PRMT8: variants seen among roughly 807,000 people sequenced by gnomAD.
PRMT8 encodes the protein protein arginine methyltransferase 8.
PRMT8 carries 7 observed loss-of-function variants against 47.1 expected under a neutral mutation model. The observed-to-expected ratio is 0.15, with a 90% CI of 0.08 to 0.28. PRMT8 has a LOEUF of 0.28. Among genes scored for constraint, PRMT8 ranks in the 10% least tolerant of loss-of-function variants. The probability of loss-of-function intolerance (pLI) is 1.00; values close to 1 mark genes in which losing one functional copy is unlikely to be tolerated. For missense variants in PRMT8, 237 were observed against 505.4 expected, an observed-to-expected ratio of 0.47 and a Z score of 5.09; for synonymous variants, 188 against 186.5, an observed-to-expected ratio of 1.01 and a Z score of -0.07.
intron 1 of PRMT8, among the ~76,000 whole-genome samples, chr12:3,442,144 A>T (rs1864809889): frequency 6.6e-6 from 1 of 152,234 alleles, no homozygotes; most frequent in African/African-American, 2.4e-5. Context: ...ACTCAGCATC[A>T]AGCTAAAAAA....
At chr12:3,582,284 T>A (rs905490018) in intron 7 of PRMT8, among the ~76,000 whole-genome samples, 5 of 152,374 alleles carry the variant, frequency 3.3e-5, no homozygotes, top group Non-Finnish European at 7.4e-5. Flanking sequence ...AGATTGATTT[T>A]CAGCCACTTT....
Position 3,535,116 on chromosome 12 carries a change from A to G in PRMT8, c.76-5490A>G, listed in dbSNP as rs777394911. On this transcript the variant is annotated intron_variant, in intron 1 of 9. Transcript: ENST00000382622. The surrounding 1 kb of genome is among the most constrained non-coding windows in gnomAD (Gnocchi z 4.7). ...GGGTTAGGTCAAACATGCTCCCCCA[A>G]ATCCCCACCCCTGCTTGTGGAAATC... is the stretch of plus-strand genomic sequence containing the variant. Among the ~76,000 whole-genome samples the G allele has an allele frequency of 6.6e-6, 1 of 152,104 alleles. No individual in the cohort carries two copies. The highest frequency in any genetic ancestry group is 2.4e-5 in the African/African-American group (1 of 41,420).
At chr12:3,477,344 C>T (rs1865223997) in intron 1 of PRMT8, among the ~76,000 whole-genome samples, 1 of 152,204 alleles carries the variant, frequency 6.6e-6, no homozygotes, top group Admixed American at 6.5e-5. Context: ...GGAAATGAAA[C>T]AGAAGGCATG....
intron 1 of PRMT8, among the ~76,000 whole-genome samples, chr12:3,507,740 ATTCT>A (rs1431081290): frequency 2.0e-5 from 3 of 151,226 alleles, no homozygotes; most frequent in African/African-American, 7.3e-5. Context: ...TTTTGTTAGA[ATTCT>A]TTTTCTTCTC....
rs75734862 is a variant in PRMT8, at chr12:3,523,880, G to T, written c.76-16726G>T. On this transcript the variant is annotated intron_variant, in intron 1 of 9. Coordinates refer to ENST00000382622, the MANE Select transcript of PRMT8 (RefSeq NM_019854.5). The stretch of plus-strand genomic sequence containing the variant: ...TAAACCACTCCTTCTGCCTCTCTAT[G>T]CAGGGGCAAAGTTCAATAAGCCTAT... 7.2e-4 allele frequency among the ~76,000 whole-genome samples: 110 copies of T among 152,342 alleles called. 3 individuals carry two copies. The East Asian group carries it at 0.017, about 23-fold the overall frequency.
intron 2 of PRMT8, 148 bp downstream of exon 2, chr12:3,540,939 G>T: frequency 1.0e-6 from 1 of 992,746 alleles, no homozygotes; most frequent in South Asian, 1.7e-5. Flanking sequence ...TCTCCAATCC[G>T]GGGGGCCCCT....
At chr12:3,462,370 G>A (rs2137089018) in intron 1 of PRMT8, among the ~76,000 whole-genome samples, 1 of 152,102 alleles carries the variant, frequency 6.6e-6, no homozygotes, top group South Asian at 2.1e-4. Flanking sequence ...GGCAAAAGAA[G>A]GGGGCAGAGT....
chr12:3,512,806 C>T (rs530763441), intron 1 of PRMT8, among the ~76,000 whole-genome samples: 114 of 152,320 alleles, frequency 7.5e-4, no homozygotes, highest in South Asian at 2.5e-3. Flanking sequence ...AGTAAATGAA[C>T]TATGGGTAGA....
chr12:3,513,647 T>C (rs1170648514), intron 1 of PRMT8, among the ~76,000 whole-genome samples: 1 of 152,204 alleles, frequency 6.6e-6, no homozygotes, highest in Non-Finnish European at 1.5e-5. Flanking sequence ...GTGAGTTCCC[T>C]GCCGAATTTT....
chr12:3,487,890 G>C (rs575642247), upstream of PRMT8, among the ~76,000 whole-genome samples: 1 of 152,162 alleles, frequency 6.6e-6, no homozygotes, highest in Non-Finnish European at 1.5e-5. Flanking sequence ...TAGAATTAGA[G>C]GCTTAAAGAA....
At chr12:3,477,369 G>T (rs1280229396) in intron 1 of PRMT8, among the ~76,000 whole-genome samples, 1 of 152,228 alleles carries the variant, frequency 6.6e-6, no homozygotes, top group South Asian at 2.1e-4. Flanking sequence ...GTCCTTTGGA[G>T]CTTACAGTGA....
At position 3,436,527 on chromosome 12, in the gene PRMT8, T is replaced by C. The variant is rs1864742543; in HGVS notation, c.48+55085T>C. Among the ~76,000 whole-genome samples, 1 of 152,100 alleles carries C rather than the reference T, an allele frequency of 6.6e-6. No individual in the cohort carries two copies. The highest frequency in any genetic ancestry group is 2.1e-4 in the South Asian group (1 of 4,820). On this transcript the variant is annotated intron_variant, in intron 1 of 9. Transcript: ENST00000452611. This position sits in a 1 kb window ranked among gnomAD's most constrained non-coding sequence, Gnocchi z 4.2. The stretch of plus-strand genomic sequence containing the variant: ...GCTGCTATTGTCAGCGTGCAGAAGA[T>C]CTCTATTAATAGAGTAAAGATTTCA...
chr12:3,592,273 A>G lies in PRMT8; in HGVS notation c.1022A>G (p.Tyr341Cys). The change falls in exon 9 of 10, where the codon TAC becomes TGC. Residue 341 changes from tyrosine to cysteine, a missense_variant. Physicochemically the swap from Tyr to Cys is radical, Grantham distance 194 (BLOSUM62 -2). This residue lies in a region of PRMT8 where 151 missense variants were observed against 341.1 expected (regional missense o/e 0.44). Transcript: ENST00000382622. ...PYTHWKQTVF[Y>C]LEDYLTVRRG... ...ACCCACTGGAAGCAGACCGTCTTCT[A>G]CTTGGAAGATTACCTCACTGTCCGG... The G allele has an allele frequency of 6.3e-7, 1 of 1,596,222 alleles. No individual in the cohort carries two copies.
At chr12:3,401,315 G>T (rs1330744081) in intron 1 of PRMT8, among the ~76,000 whole-genome samples, 1 of 151,854 alleles carries the variant, frequency 6.6e-6, no homozygotes. Flanking sequence ...AGGTATTGAG[G>T]AATATACCTC....
chr12:3,547,614 C>T (rs1485942298), intron 2 of PRMT8, among the ~76,000 whole-genome samples: 1 of 152,082 alleles, frequency 6.6e-6, no homozygotes, highest in Non-Finnish European at 1.5e-5. Context: ...ACCATCTCTA[C>T]CCCCAAAATA....
At chr12:3,513,343 T>G (rs1282151373) in intron 1 of PRMT8, among the ~76,000 whole-genome samples, 5 of 152,162 alleles carry the variant, frequency 3.3e-5, no homozygotes, top group Non-Finnish European at 7.3e-5. Flanking sequence ...CTAAACTAAA[T>G]ATACGATGTA....
At chr12:3,523,945 T>C (rs189639113) in intron 1 of PRMT8, among the ~76,000 whole-genome samples, 31 of 152,350 alleles carry the variant, frequency 2.0e-4, no homozygotes, top group African/African-American at 7.5e-4. Flanking sequence ...TAAACGTTAC[T>C]GATGAGTCAA....
intron 1 of PRMT8, among the ~76,000 whole-genome samples, chr12:3,388,686 A>G (rs1864163723): frequency 6.6e-6 from 1 of 152,138 alleles, no homozygotes; most frequent in Admixed American, 6.5e-5. Flanking sequence ...CTAATAAGGG[A>G]CAGAGCTGAG....
At chr12:3,450,688 T>G (rs1864906996) in intron 1 of PRMT8, among the ~76,000 whole-genome samples, 2 of 152,250 alleles carry the variant, frequency 1.3e-5, no homozygotes, top group South Asian at 4.1e-4. Context: ...AATTCCACAC[T>G]GCTTTTCCTC....
Sources: allele counts gnomAD v4.1 joint callset (sites outside exome capture counted in the v4.1 genomes callset), GRCh38; gene constraint gnomAD v4.1.1; regional missense constraint gnomAD v4.1.1; non-coding constraint Gnocchi (gnomAD v3.1); transcripts MANE v1.5; gene names NCBI Gene and HGNC (gene_info 2026-07-23, HGNC 2026-07-21).